The following SKAP1 variants were observed in gnomAD, a reference collection of about 807,000 sequenced individuals.
SKAP1 encodes the protein src kinase-associated phosphoprotein 1.
A neutral mutation model predicts 58.5 loss-of-function variants in SKAP1; 44 were observed. That is an observed-to-expected ratio of 0.75 (90% CI 0.59 to 0.97). The LOEUF (loss-of-function observed/expected upper bound fraction) is 0.97. Among genes scored for constraint, SKAP1 ranks in the 50% least tolerant of loss-of-function variants. The pLI, the probability that SKAP1 is intolerant of heterozygous loss-of-function variation, is 0.00. For missense variants in SKAP1, 390 were observed against 435.2 expected, an observed-to-expected ratio of 0.90 and a Z score of 0.92; for synonymous variants, 127 against 149.7, an observed-to-expected ratio of 0.85 and a Z score of 1.11.
At chr17:48,424,236 T>A in intron 1 of SKAP1, among the ~76,000 whole-genome samples, 1 of 2,716 alleles carries the variant, frequency 3.7e-4, no homozygotes, top group East Asian at 0.083. Context: ...TTTTTTTTTT[T>A]TTTTTTGAGA....
At chr17:48,345,314 T>C (rs1039639408) in intron 4 of SKAP1, among the ~76,000 whole-genome samples, 10 of 152,274 alleles carry the variant, frequency 6.6e-5, no homozygotes, top group African/African-American at 2.4e-4. Context: ...TTCTAACAAT[T>C]GAATTATTTA....
At chr17:48,317,120 G>C (rs1345305795) in intron 4 of SKAP1, among the ~76,000 whole-genome samples, 2 of 152,162 alleles carry the variant, frequency 1.3e-5, no homozygotes, top group African/African-American at 4.8e-5. Flanking sequence ...ACTGAATGAT[G>C]ATCCTTGACT....
At chr17:48,285,376 G>A (rs935052459) in intron 4 of SKAP1, among the ~76,000 whole-genome samples, 2 of 152,174 alleles carry the variant, frequency 1.3e-5, no homozygotes, top group African/African-American at 2.4e-5. Flanking sequence ...CAGCACTTTG[G>A]GAGGCCAAGG....
At chr17:48,259,636 C>T (rs887955522) in intron 4 of SKAP1, among the ~76,000 whole-genome samples, 3 of 152,126 alleles carry the variant, frequency 2.0e-5, no homozygotes, top group African/African-American at 7.2e-5. Flanking sequence ...CTGTTACCTA[C>T]ATAATTTGCA....
intron 4 of SKAP1, among the ~76,000 whole-genome samples, chr17:48,276,378 T>C (rs1288316582): frequency 6.6e-6 from 1 of 152,234 alleles, no homozygotes; most frequent in Non-Finnish European, 1.5e-5. Flanking sequence ...TTGTTCTCCC[T>C]CCACTTAGCA....
At chr17:48,157,098 T>G (rs375966025) in intron 11 of SKAP1, among the ~76,000 whole-genome samples, 1 of 152,176 alleles carries the variant, frequency 6.6e-6, no homozygotes, top group East Asian at 1.9e-4. Flanking sequence ...TTTCCCAATT[T>G]TTACAGGTGA....
At chr17:48,322,533 A>C (rs2066381409) in intron 4 of SKAP1, among the ~76,000 whole-genome samples, 1 of 152,194 alleles carries the variant, frequency 6.6e-6, no homozygotes, top group Non-Finnish European at 1.5e-5. Context: ...GGTAAGACAT[A>C]ATATCTCTGA....
chr17:48,192,534 T>A, intron 4 of SKAP1, among the ~76,000 whole-genome samples: 1 of 152,086 alleles, frequency 6.6e-6, no homozygotes, highest in South Asian at 2.1e-4. Flanking sequence ...CCACACCAGC[T>A]CACTGATCCT....
At chr17:48,252,932 A>T (rs970830261) in intron 4 of SKAP1, among the ~76,000 whole-genome samples, 1 of 152,156 alleles carries the variant, frequency 6.6e-6, no homozygotes, top group Admixed American at 6.6e-5. Flanking sequence ...GTTTAATGGC[A>T]TAGTAAGAGT....
At chr17:48,358,512 C>A (rs1479657012) in intron 3 of SKAP1, among the ~76,000 whole-genome samples, 7 of 152,104 alleles carry the variant, frequency 4.6e-5, no homozygotes, top group Non-Finnish European at 1.0e-4. Flanking sequence ...CACCATATAG[C>A]AAAAAGCTTG....
chr17:48,437,593 T>A, the SKAP1 span, among the ~76,000 whole-genome samples: 1 of 151,916 alleles, frequency 6.6e-6, no homozygotes, highest in African/African-American at 2.4e-5. Flanking sequence ...AATAAAAAAA[T>A]TAGCCGGAAA....
Position 48,142,049 on chromosome 17 carries a change from T to C in SKAP1, c.979-4712A>G, listed in dbSNP as rs1182320446. Among the ~76,000 whole-genome samples the C allele has an allele frequency of 2.6e-5, 4 of 152,344 alleles. No homozygotes were observed. In the East Asian group the frequency reaches 5.8e-4, roughly 22 times the overall value. On this transcript the variant is annotated intron_variant, in intron 11 of 12. Coordinates refer to ENST00000336915, the MANE Select transcript of SKAP1 (RefSeq NM_003726.4). The stretch of plus-strand genomic sequence containing the variant: ...TTACACTGCCTTCTATCTGCCTGTC[T>C]TTGTCTCAGTGTCAATCACTAGTTG...
chr17:48,388,597 T>G (rs928524598), intron 2 of SKAP1, among the ~76,000 whole-genome samples: 1 of 152,236 alleles, frequency 6.6e-6, no homozygotes, highest in African/African-American at 2.4e-5. Context: ...CCATCCATAT[T>G]ATTTTTTATA....
intron 5 of SKAP1, among the ~76,000 whole-genome samples, chr17:48,189,081 C>T (rs1049523374): frequency 1.3e-4 from 20 of 152,170 alleles, no homozygotes; most frequent in African/African-American, 4.1e-4. Flanking sequence ...GATACAAAAA[C>T]TACACAGTGG....
At chr17:48,351,973 A>G (rs1399109173) in intron 3 of SKAP1, among the ~76,000 whole-genome samples, 1 of 151,994 alleles carries the variant, frequency 6.6e-6, no homozygotes, top group East Asian at 1.9e-4. Context: ...TTCCCTCAAG[A>G]AAATGGTCCT....
Position 48,174,626 on chromosome 17 carries a change from C to T in SKAP1, c.827-3967G>A, listed in dbSNP as rs375832499. On this transcript the variant is annotated intron_variant, in intron 9 of 12. Transcript: ENST00000336915. ...ATTTTTATTAATCTTTAATGTGACA[C>T]TTTAATTTTAAGAGACTATTTTGAA... Among the ~76,000 whole-genome samples, 9 of 152,186 alleles carry T rather than the reference C, an allele frequency of 5.9e-5. No individual in the cohort carries two copies. The East Asian group carries it at 9.6e-4, about 16-fold the overall frequency.
At chr17:48,156,788 TC>T (rs2063983674) in intron 11 of SKAP1, among the ~76,000 whole-genome samples, 1 of 152,182 alleles carries the variant, frequency 6.6e-6, no homozygotes, top group Admixed American at 6.5e-5. Flanking sequence ...CTCTGGTCTC[TC>T]CACAAAATGA....
intron 4 of SKAP1, among the ~76,000 whole-genome samples, chr17:48,215,351 A>T (rs1367620347): frequency 1.3e-5 from 2 of 152,222 alleles, no homozygotes. Context: ...TAAAAGTGGA[A>T]ACCTCTATGT....
intron 4 of SKAP1, chr17:48,203,831 A>G (rs1159638291): frequency 6.6e-6 from 1 of 152,228 alleles, no homozygotes; most frequent in Non-Finnish European, 1.5e-5. Flanking sequence ...GGTGTTACAA[A>G]GCACATAGGA....
Sources: gnomAD v4.1 joint callset for allele counts (sites outside exome capture counted in the v4.1 genomes callset) on GRCh38, gnomAD v4.1.1 for gene constraint, MANE v1.5 for transcripts, NCBI Gene and HGNC (gene_info 2026-07-23, HGNC 2026-07-21) for gene names.